The following EYA1 variants were observed in gnomAD, a reference collection of about 807,000 sequenced individuals.
The protein encoded by EYA1 is protein phosphatase EYA1.
In EYA1, 16 loss-of-function variants were observed where a neutral mutation model predicts 82.0. The observed-to-expected ratio is 0.20, with a 90% CI of 0.13 to 0.30. EYA1 has a LOEUF of 0.30. Ranked by LOEUF, EYA1 falls within the 10% of genes least tolerant of loss-of-function variation. EYA1 has a pLI of 1.00. For missense variants in EYA1, 633 were observed against 730.7 expected (o/e 0.87, Z 1.54); for synonymous variants, 261 against 264.4 (o/e 0.99, Z 0.12).
chr8:71,453,757 G>A lies in EYA1; in HGVS notation c.33+81987C>T, dbSNP rs574017452. Among the ~76,000 whole-genome samples, 304 of 152,180 alleles carry A rather than the reference G, an allele frequency of 2.0e-3. 1 individual carries two copies. Among genetic ancestry groups the A allele is most frequent in the Non-Finnish European group, 3.3e-3 (225 of 68,006 alleles). ...TCACCACCAGACCTGCCCTACAAGC[G>A]CTCCTGAAGGAAACACTAAACATGG... On this transcript the variant is annotated intron_variant, in intron 2 of 18. Transcript: ENST00000643681.
At chr8:71,270,806 TAA>T (rs1816428999) in intron 10 of EYA1, among the ~76,000 whole-genome samples, 1 of 152,078 alleles carries the variant, frequency 6.6e-6, no homozygotes, top group Admixed American at 6.5e-5. Flanking sequence ...TCAATATATA[TAA>T]GTGTGTCTTT....
At chr8:71,429,386 A>G (rs2129158835) in intron 2 of EYA1, among the ~76,000 whole-genome samples, 1 of 152,326 alleles carries the variant, frequency 6.6e-6, no homozygotes, top group South Asian at 2.1e-4. Flanking sequence ...TATATTTTTA[A>G]GAATGTTGCT....
intron 3 of EYA1, among the ~76,000 whole-genome samples, chr8:71,336,390 G>A (rs1380217949): frequency 1.3e-5 from 2 of 152,152 alleles, no homozygotes; most frequent in Non-Finnish European, 2.9e-5. Flanking sequence ...AGGAAAAGAT[G>A]TGAAGAAAAA....
At chr8:71,449,794 T>G (rs1248671527) in intron 2 of EYA1, among the ~76,000 whole-genome samples, 1 of 152,210 alleles carries the variant, frequency 6.6e-6, no homozygotes, top group African/African-American at 2.4e-5. Flanking sequence ...CTTTTGTTTA[T>G]ATTGAAACTC....
intron 2 of EYA1, among the ~76,000 whole-genome samples, chr8:71,523,179 C>CTTTTTTTTTT (rs1160944112): frequency 1.7e-5 from 2 of 119,754 alleles, no homozygotes; most frequent in Admixed American, 9.2e-5. Context: ...TTTTCTTTTT[C>CTTTTTTTTTT]TTTTTTTTTT....
At chr8:71,452,232 G>A (rs559707135) in intron 2 of EYA1, among the ~76,000 whole-genome samples, 97 of 152,316 alleles carry the variant, frequency 6.4e-4, no homozygotes, top group African/African-American at 2.0e-3. Flanking sequence ...AGGGGCGCCC[G>A]CCATTGCTGA....
At chr8:71,261,778 T>A (rs895026084) in intron 11 of EYA1, among the ~76,000 whole-genome samples, 7 of 152,090 alleles carry the variant, frequency 4.6e-5, no homozygotes, top group Non-Finnish European at 1.0e-4. Context: ...AAGGGGCCCA[T>A]GGGGTGCTAA....
chr8:71,246,367 ATG>A (rs1173381872), intron 11 of EYA1, among the ~76,000 whole-genome samples: 2 of 152,374 alleles, frequency 1.3e-5, no homozygotes, highest in East Asian at 3.9e-4. Flanking sequence ...GTGTCATGAT[ATG>A]TGTGTCATGT....
intron 12 of EYA1, among the ~76,000 whole-genome samples, chr8:71,232,349 C>A (rs544906809): frequency 1.1e-4 from 17 of 152,340 alleles, no homozygotes; most frequent in African/African-American, 3.8e-4. Context: ...TCACACCCAG[C>A]CAGGCTCCGC....
chr8:71,416,979 C>T (rs1357185259), intron 2 of EYA1, among the ~76,000 whole-genome samples: 1 of 152,172 alleles, frequency 6.6e-6, no homozygotes, highest in African/African-American at 2.4e-5. Context: ...TCTGGGTGGA[C>T]ACCATCTAAT....
intron 2 of EYA1, among the ~76,000 whole-genome samples, chr8:71,520,664 C>A (rs2129269572): frequency 6.6e-6 from 1 of 152,232 alleles, no homozygotes; most frequent in Non-Finnish European, 1.5e-5. Context: ...CTCTCCCCAC[C>A]TTCACACCCC....
chr8:71,435,261 T>A (rs536530070), intron 2 of EYA1, among the ~76,000 whole-genome samples: 5 of 152,116 alleles, frequency 3.3e-5, no homozygotes, highest in Non-Finnish European at 7.4e-5. Flanking sequence ...AATACTAAAC[T>A]TATAATCTGC....
At chr8:71,501,017 T>G (rs1811773852) in intron 2 of EYA1, among the ~76,000 whole-genome samples, 1 of 152,232 alleles carries the variant, frequency 6.6e-6, no homozygotes, top group South Asian at 2.1e-4. Context: ...TTATGATAAC[T>G]TGGTGTCAAG....
chr8:71,308,954 G>A (rs1363316193), intron 7 of EYA1, among the ~76,000 whole-genome samples: 1 of 152,122 alleles, frequency 6.6e-6, no homozygotes, highest in Non-Finnish European at 1.5e-5. Flanking sequence ...TCTTTGCCAT[G>A]GGCTATGTCC....
intron 2 of EYA1, among the ~76,000 whole-genome samples, chr8:71,399,267 C>T (rs948014588): frequency 6.6e-6 from 1 of 152,200 alleles, no homozygotes. Flanking sequence ...CCCTGCCCTG[C>T]TCCATGGGCT....
intron 11 of EYA1, among the ~76,000 whole-genome samples, chr8:71,261,171 AAAAT>A (rs1437228165): frequency 8.5e-5 from 13 of 152,290 alleles, no homozygotes; most frequent in African/African-American, 2.6e-4. Context: ...TAAAAAATAA[AAAAT>A]AAAAAACACA....
chr8:71,429,965 T>G (rs2129159454), intron 2 of EYA1, among the ~76,000 whole-genome samples: 1 of 152,324 alleles, frequency 6.6e-6, no homozygotes, highest in South Asian at 2.1e-4. Context: ...AAGTAGAATC[T>G]TAGGAATAAG....
At chr8:71,369,692 C>A (rs1318369709) in intron 2 of EYA1, among the ~76,000 whole-genome samples, 3 of 152,180 alleles carry the variant, frequency 2.0e-5, no homozygotes, top group African/African-American at 7.2e-5. Context: ...ATAGGAGGTG[C>A]TTGGTGAATG....
At chr8:71,414,944 G>A (rs1194432975) in intron 2 of EYA1, among the ~76,000 whole-genome samples, 1 of 152,164 alleles carries the variant, frequency 6.6e-6, no homozygotes, top group African/African-American at 2.4e-5. Flanking sequence ...TTTCAAGTCA[G>A]GATGATTATT....
Sources: allele counts gnomAD v4.1 joint callset (sites outside exome capture counted in the v4.1 genomes callset), GRCh38; gene constraint gnomAD v4.1.1; transcripts MANE v1.5; gene names NCBI Gene and HGNC (gene_info 2026-07-23, HGNC 2026-07-21).